Variants in DCSTAMP observed in about 807,000 individuals in gnomAD.
DCSTAMP encodes dendritic cell-specific transmembrane protein.
A neutral mutation model predicts 33.8 loss-of-function variants in DCSTAMP; 25 were observed. The ratio of observed to expected loss-of-function variants is 0.74; its 90% CI spans 0.54 to 1.03. The LOEUF (loss-of-function observed/expected upper bound fraction) is 1.03, where lower values mean the gene tolerates loss of function less well. DCSTAMP is among the 50% of genes least tolerant of loss of function. The pLI is 0.00. For synonymous variants in DCSTAMP, 245 were observed against 216.7 expected (o/e 1.13, Z -1.15); for missense variants, 531 against 556.8 (o/e 0.95, Z 0.47).
intron 1 of DCSTAMP, among the ~76,000 whole-genome samples, chr8:104,345,570 A>G (rs1251908389): frequency 5.3e-5 from 8 of 152,278 alleles, no homozygotes; most frequent in Admixed American, 5.2e-4. Flanking sequence ...GCAGTCGTAT[A>G]TCTTCTTTAA....
intron 1 of DCSTAMP, among the ~76,000 whole-genome samples, chr8:104,346,474 T>G (rs1001970026): frequency 3.3e-5 from 5 of 152,224 alleles, no homozygotes; most frequent in African/African-American, 1.2e-4. Flanking sequence ...CACCCTTCAG[T>G]CCAGCCTCTG....
intron 1 of DCSTAMP, among the ~76,000 whole-genome samples, chr8:104,344,113 A>C (rs1258233975): frequency 6.6e-6 from 1 of 152,190 alleles, no homozygotes; most frequent in Non-Finnish European, 1.5e-5. Context: ...TCTCCCTCCT[A>C]GCTTAGAGTC....
In DCSTAMP at chr8:104,347,834, T is replaced by TA. The variant is rs752028014; in HGVS notation, c.-12-703dup. ...CTCATGAATATATTACCTCGCATGG[T>TA]AAAAGGGACCCTGCAAATGTGTCTT... On this transcript the variant is annotated intron_variant, in intron 1 of 3. Coordinates refer to ENST00000297581, the MANE Select transcript of DCSTAMP (RefSeq NM_030788.4). 1.4e-4 allele frequency among the ~76,000 whole-genome samples: 22 copies of TA among 152,128 alleles called. 1 individual carries two copies. The highest frequency in any genetic ancestry group is 2.9e-4 in the Non-Finnish European group (20 of 68,022).
intron 1 of DCSTAMP, among the ~76,000 whole-genome samples, chr8:104,346,184 T>C (rs115147810): frequency 0.017 from 2,575 of 152,338 alleles, 78 homozygotes; most frequent in African/African-American, 0.059. Context: ...GTTAGAGAGA[T>C]GCTTTATAAA....
At chr8:104,343,638 C>T (rs1422589230) in intron 1 of DCSTAMP, among the ~76,000 whole-genome samples, 2 of 152,230 alleles carry the variant, frequency 1.3e-5, no homozygotes, top group African/African-American at 2.4e-5. Flanking sequence ...GTAACTGCCT[C>T]ACCATTGTCT....
chr8:104,348,431 G>A (rs1360901717), intron 1 of DCSTAMP, 110 bp from the exon 2 acceptor site: 6 of 1,081,466 alleles, frequency 5.5e-6, no homozygotes, highest in Non-Finnish European at 7.8e-6. Flanking sequence ...CACAGGAAGA[G>A]TAAAGAATTA....
intron 1 of DCSTAMP, among the ~76,000 whole-genome samples, chr8:104,341,390 C>T (rs1021376615): frequency 2.0e-5 from 3 of 152,148 alleles, no homozygotes; most frequent in Admixed American, 6.5e-5. Context: ...TCAGGAATGC[C>T]GGTCTCCTTC....
chr8:104,346,829 G>A (rs1810327823), intron 1 of DCSTAMP, among the ~76,000 whole-genome samples: 1 of 152,194 alleles, frequency 6.6e-6, no homozygotes, highest in Non-Finnish European at 1.5e-5. Context: ...CCTGAACACA[G>A]AAAGAATAAT....
At position 104,354,922 on chromosome 8, in the gene DCSTAMP, T is replaced by G; in HGVS notation, c.1075T>G (p.Ser359Ala). 6.2e-7 allele frequency: 1 copy of G among 1,609,740 alleles called. No homozygotes were observed. Among genetic ancestry groups the G allele is most frequent in the Non-Finnish European group, 8.5e-7 (1 of 1,176,422 alleles). ...TATCCATGATTCTTCCTTTAATATATCTGTGTTTGAACCCAACTGTATCCC... is the reference window on the plus strand; with the variant it reads ...TATCCATGATTCTTCCTTTAATATAGCTGTGTTTGAACCCAACTGTATCCC... ...DIIHDSSFNI[S>A]VFEPNCIPKP... Residue 359 changes from serine to alanine, a missense_variant, in exon 3 of 4, where the codon TCT becomes GCT. Transcript: ENST00000297581.
chr8:104,353,498 A>T (rs1484273716), intron 2 of DCSTAMP, among the ~76,000 whole-genome samples: 1 of 152,136 alleles, frequency 6.6e-6, no homozygotes, highest in African/African-American at 2.4e-5. Context: ...GACTCAATCG[A>T]TATGTTTGTT....
chr8:104,350,032 T>C lies in DCSTAMP; in HGVS notation c.1029+451T>C, dbSNP rs539762936. On this transcript the variant is annotated intron_variant, in intron 2 of 3. Coordinates refer to ENST00000297581, the MANE Select transcript of DCSTAMP (RefSeq NM_030788.4). ...CTTTCTTCTTTGCATGTGGAAAATCTCTCTCTGCCTCTGTCTTAAAGAATC... is the reference window on the plus strand; with the variant it reads ...CTTTCTTCTTTGCATGTGGAAAATCCCTCTCTGCCTCTGTCTTAAAGAATC... Among the ~76,000 whole-genome samples, 4 of 152,276 alleles carry C rather than the reference T, an allele frequency of 2.6e-5. No homozygotes were observed. The South Asian group carries it at 8.3e-4, about 32-fold the overall frequency.
At chr8:104,348,468 C>T in intron 1 of DCSTAMP, 73 bp from the exon 2 acceptor site, 1 of 1,454,384 alleles carries the variant, frequency 6.9e-7, no homozygotes, top group Non-Finnish European at 9.2e-7. Context: ...AGTCAGTCTA[C>T]CACCATGGCC....
chr8:104,345,849 T>A (rs1017656045), intron 1 of DCSTAMP, among the ~76,000 whole-genome samples: 1 of 152,214 alleles, frequency 6.6e-6, no homozygotes. Flanking sequence ...CCTTACAGAG[T>A]CAACTATTTT....
In DCSTAMP at chr8:104,349,598, C is replaced by A. The variant is rs1182351736; in HGVS notation, c.1029+17C>A. On this transcript the variant is annotated intron_variant, in intron 2 of 3. Transcript: ENST00000297581. ...CACGGAGAGGTAGGGCCCACAGGTA[C>A]TTCTCATGGTTTATCCCGGCTATTT... 6.3e-7 allele frequency: 1 copy of A among 1,594,290 alleles called. No homozygotes were observed. Among genetic ancestry groups the A allele is most frequent in the South Asian group, 1.1e-5 (1 of 87,012 alleles).
In DCSTAMP at chr8:104,349,114, G is replaced by T; in HGVS notation, c.562G>T (p.Asp188Tyr). The T allele has an allele frequency of 6.2e-7, 1 of 1,614,120 alleles. No homozygotes were observed. Residue 188 changes from aspartate (D) to tyrosine (Y), a missense_variant, in exon 2 of 4, where the codon GAC (aspartate) becomes TAC (tyrosine). By Grantham distance (160) the Asp-to-Tyr change is radical. Transcript: ENST00000297581. ...CCATGTCCTGGAGGCACAGCTAAATGACAGCAAAGGGGAAGTCCTGAGCGT... is the reference window on the plus strand; with the variant it reads ...CCATGTCCTGGAGGCACAGCTAAATTACAGCAAAGGGGAAGTCCTGAGCGT... Reference protein sequence around the residue: ...PSHVLEAQLNDSKGEVLSVLY... With the variant: ...PSHVLEAQLNYSKGEVLSVLY...
chr8:104,349,474 G>A lies in DCSTAMP; in HGVS notation c.922G>A (p.Val308Met). ...CATACTTATCCATCTCTGCATCTGGGTGCTGTTTGCAGCTGTAGATTATCT... is the reference window on the plus strand; with the variant it reads ...CATACTTATCCATCTCTGCATCTGGATGCTGTTTGCAGCTGTAGATTATCT... ...LPILIHLCIW[V>M]LFAAVDYLLY... Residue 308 changes from valine to methionine, a missense_variant, in exon 2 of 4, where the codon GTG becomes ATG. Physicochemically the swap from Val to Met is conservative, Grantham distance 21 (BLOSUM62 1). Coordinates refer to ENST00000297581, the MANE Select transcript of DCSTAMP (RefSeq NM_030788.4). 6.2e-7 allele frequency: 1 copy of A among 1,614,148 alleles called. No individual in the cohort carries two copies. Among genetic ancestry groups the A allele is most frequent in the Non-Finnish European group, 8.5e-7 (1 of 1,180,046 alleles).
At chr8:104,340,843 G>T (rs187315785) in intron 1 of DCSTAMP, among the ~76,000 whole-genome samples, 4 of 152,352 alleles carry the variant, frequency 2.6e-5, no homozygotes, top group Non-Finnish European at 4.4e-5. Context: ...GATGGGTTCA[G>T]ACTGGGTTCC....
intron 1 of DCSTAMP, among the ~76,000 whole-genome samples, chr8:104,346,233 G>C (rs903732030): frequency 3.9e-5 from 6 of 152,218 alleles, no homozygotes; most frequent in Middle Eastern, 3.2e-3. Context: ...CATCTTTTAG[G>C]GTATCAATCA....
chr8:104,356,028 C>T (rs1810617369), intron 3 of DCSTAMP, 96 bp from the exon 4 acceptor site: 1 of 1,140,504 alleles, frequency 8.8e-7, no homozygotes, highest in African/African-American at 1.6e-5. Flanking sequence ...GCTGTTTTTC[C>T]CAACATCTTT....
Sources: gnomAD v4.1 joint callset for allele counts (sites outside exome capture counted in the v4.1 genomes callset) on GRCh38, gnomAD v4.1.1 for gene constraint, MANE v1.5 for transcripts, NCBI Gene and HGNC (gene_info 2026-07-23, HGNC 2026-07-21) for gene names.